Variants in ELMO1 observed in about 807,000 individuals in gnomAD.
The protein encoded by ELMO1 is engulfment and cell motility 1.
A neutral mutation model predicts 98.9 loss-of-function variants in ELMO1; 26 were observed. The ratio of observed to expected loss-of-function variants is 0.26; its 90% CI spans 0.19 to 0.36. ELMO1 has a LOEUF of 0.36. Among genes scored for constraint, ELMO1 ranks in the 10% least tolerant of loss-of-function variants. The pLI is 1.00. For missense variants in ELMO1, 627 were observed against 935.2 expected, an observed-to-expected ratio of 0.67 and a Z score of 4.30; for synonymous variants, 346 against 346.0, an observed-to-expected ratio of 1.00 and a Z score of 0.00.
At chr7:36,955,382 C>T (rs997736324) in intron 16 of ELMO1, among the ~76,000 whole-genome samples, 3 of 152,182 alleles carry the variant, frequency 2.0e-5, no homozygotes, top group Admixed American at 2.0e-4. Context: ...TTTTCAAGCA[C>T]AAATTCCGAA....
At chr7:37,375,973 T>C in intron 1 of ELMO1, 3 of 585,410 alleles carry the variant, frequency 5.1e-6, no homozygotes, top group Non-Finnish European at 9.3e-6. Context: ...AGCAACTGAA[T>C]TCCAGTTTAG....
intron 15 of ELMO1, among the ~76,000 whole-genome samples, chr7:37,062,642 G>A (rs531216347): frequency 3.9e-5 from 6 of 152,296 alleles, no homozygotes; most frequent in African/African-American, 7.2e-5. Context: ...TCACTTTAGC[G>A]TCACTGTTGA....
chr7:37,379,030 G>C (rs903982548), intron 1 of ELMO1, among the ~76,000 whole-genome samples: 2 of 150,396 alleles, frequency 1.3e-5, no homozygotes, highest in African/African-American at 4.9e-5. Context: ...ACTTTATCTT[G>C]CATCACATTC....
At chr7:37,231,844 T>C (rs1794190330) in intron 8 of ELMO1, among the ~76,000 whole-genome samples, 1 of 151,990 alleles carries the variant, frequency 6.6e-6, no homozygotes, top group Non-Finnish European at 1.5e-5. Context: ...ATAGGAACAG[T>C]CTGTACTAAT....
chr7:37,097,796 G>A (rs1784438675), intron 14 of ELMO1, among the ~76,000 whole-genome samples: 1 of 152,084 alleles, frequency 6.6e-6, no homozygotes, highest in Non-Finnish European at 1.5e-5. Context: ...AAGAGACCTA[G>A]AAGTGTTTGA....
intron 5 of ELMO1, among the ~76,000 whole-genome samples, chr7:37,268,220 C>T (rs1220124309): frequency 1.3e-5 from 2 of 152,212 alleles, no homozygotes; most frequent in Admixed American, 6.5e-5. Context: ...CAAGACACTA[C>T]TCAGCTCTGC....
At chr7:36,974,021 C>A (rs950701011) in intron 16 of ELMO1, among the ~76,000 whole-genome samples, 41 of 152,360 alleles carry the variant, frequency 2.7e-4, no homozygotes, top group Admixed American at 2.2e-3. Context: ...TGAGCCTCCC[C>A]CCCACTCCGT....
intron 5 of ELMO1, among the ~76,000 whole-genome samples, chr7:37,269,115 T>C (rs1367014431): frequency 1.3e-5 from 2 of 152,246 alleles, no homozygotes; most frequent in Non-Finnish European, 2.9e-5. Context: ...ATTGTGTATG[T>C]AAAAATGAAC....
intron 13 of ELMO1, among the ~76,000 whole-genome samples, chr7:37,164,410 C>T (rs796141108): frequency 6.6e-6 from 1 of 152,062 alleles, no homozygotes; most frequent in East Asian, 1.9e-4. Context: ...GAAGTCCTTG[C>T]CCATGCCTAT....
intron 16 of ELMO1, among the ~76,000 whole-genome samples, chr7:37,009,741 C>T (rs1378860510): frequency 6.6e-6 from 1 of 152,146 alleles, no homozygotes; most frequent in Non-Finnish European, 1.5e-5. Flanking sequence ...GTGGCAAGAA[C>T]CTGAGATAGT....
chr7:37,355,485 A>T (rs1182865446), intron 1 of ELMO1, among the ~76,000 whole-genome samples: 1 of 152,248 alleles, frequency 6.6e-6, no homozygotes, highest in Non-Finnish European at 1.5e-5. Flanking sequence ...GAGCTATGGC[A>T]CTAGAAAGGA....
chr7:36,991,051 C>G (rs898802248), intron 16 of ELMO1, among the ~76,000 whole-genome samples: 2 of 152,154 alleles, frequency 1.3e-5, no homozygotes, highest in Admixed American at 1.3e-4. Flanking sequence ...GATTCATGTT[C>G]TTTGCTGGCA....
Position 37,239,418 on chromosome 7 carries a change from G to T in ELMO1, c.449+4938C>A, listed in dbSNP as rs1584857497. Among the ~76,000 whole-genome samples, 7 of 152,264 alleles carry T rather than the reference G, an allele frequency of 4.6e-5. 1 individual carries two copies. The highest frequency in any genetic ancestry group is 4.6e-4 in the Admixed American group (7 of 15,292). Reference sequence around the variant, plus strand: ...CTGACCTCGTGATCCACCTGCCTTGGCCTCCCAAAGTGCTGGGATTACAGG... The same window carrying T: ...CTGACCTCGTGATCCACCTGCCTTGTCCTCCCAAAGTGCTGGGATTACAGG... On this transcript the variant is annotated intron_variant, in intron 7 of 21. Transcript: ENST00000310758.
intron 16 of ELMO1, among the ~76,000 whole-genome samples, chr7:36,935,604 A>T (rs1445578686): frequency 1.3e-5 from 2 of 152,200 alleles, no homozygotes; most frequent in East Asian, 1.9e-4. Context: ...CTCCCAGCAC[A>T]GGCACCCCCA....
chr7:36,944,123 A>G (rs548626176), intron 16 of ELMO1, among the ~76,000 whole-genome samples: 4 of 152,338 alleles, frequency 2.6e-5, no homozygotes, highest in African/African-American at 9.6e-5. Context: ...AGAACGTTAC[A>G]TAGATTAACT....
At chr7:37,160,387 GCA>G (rs887596108) in intron 13 of ELMO1, among the ~76,000 whole-genome samples, 36 of 152,294 alleles carry the variant, frequency 2.4e-4, no homozygotes, top group African/African-American at 8.4e-4. Context: ...GAGCATATAT[GCA>G]CAGTCTTTGT....
Position 37,420,844 on chromosome 7 carries a change from T to C in ELMO1, c.-74+27831A>G, listed in dbSNP as rs201884288. Among the ~76,000 whole-genome samples, 24 of 152,368 alleles carry C rather than the reference T, an allele frequency of 1.6e-4. No homozygotes were observed. The East Asian group carries it at 4.6e-3, about 29-fold the overall frequency. ...TTCCAAAACTTAGCCACACGTGACC[T>C]GTCCATCTTGCTGGCTCTCTTCGGA... On this transcript the variant is annotated intron_variant, in intron 1 of 21. Transcript: ENST00000310758.
chr7:37,376,401 A>T (rs1802347251), intron 1 of ELMO1, among the ~76,000 whole-genome samples: 1 of 152,194 alleles, frequency 6.6e-6, no homozygotes, highest in East Asian at 1.9e-4. Context: ...ACTGCTCAGA[A>T]GTCATGTTGC....
intron 17 of ELMO1, among the ~76,000 whole-genome samples, chr7:36,893,798 A>C (rs759046826): frequency 4.6e-5 from 7 of 152,160 alleles, no homozygotes; most frequent in Admixed American, 1.3e-4. Context: ...TAGCCTTTGC[A>C]TGGGAGTAAG....
Sources: gnomAD v4.1 joint callset for allele counts (sites outside exome capture counted in the v4.1 genomes callset) on GRCh38, gnomAD v4.1.1 for gene constraint, MANE v1.5 for transcripts, NCBI Gene and HGNC (gene_info 2026-07-23, HGNC 2026-07-21) for gene names.